Variants in CERS6 observed in about 807,000 individuals in gnomAD.
The protein encoded by CERS6 is LAG1 homolog, ceramide synthase 6.
Under a neutral mutation model 56.8 loss-of-function variants are expected in CERS6, and 26 were observed. That is an observed-to-expected ratio of 0.46 (90% CI 0.34 to 0.63). The LOEUF (loss-of-function observed/expected upper bound fraction) is 0.63, where lower values mean the gene tolerates loss of function less well. CERS6 is among the 30% of genes least tolerant of loss of function. The probability of loss-of-function intolerance (pLI) is 0.01; values close to 1 mark genes in which losing one functional copy is unlikely to be tolerated. For synonymous variants in CERS6, 164 were observed against 173.3 expected (o/e 0.95, Z 0.42); for missense variants, 415 against 467.5 (o/e 0.89, Z 1.04).
At chr2:168,496,355 A>G (rs1308752591) in intron 1 of CERS6, among the ~76,000 whole-genome samples, 3 of 151,532 alleles carry the variant, frequency 2.0e-5, no homozygotes, top group Non-Finnish European at 4.4e-5. Flanking sequence ...TTTTTTGTAG[A>G]AAAAAATGGT....
chr2:168,587,444 C>A (rs1683570544), intron 3 of CERS6, among the ~76,000 whole-genome samples: 1 of 152,114 alleles, frequency 6.6e-6, no homozygotes, highest in Non-Finnish European at 1.5e-5. Context: ...AATTCAGGAG[C>A]CAGAGATGGA....
chr2:168,483,554 G>T (rs1694215893), intron 1 of CERS6, among the ~76,000 whole-genome samples: 1 of 152,168 alleles, frequency 6.6e-6, no homozygotes, highest in African/African-American at 2.4e-5. Context: ...CTTAAAGGAA[G>T]ACTTGAATGT....
intron 1 of CERS6, among the ~76,000 whole-genome samples, chr2:168,468,048 A>T (rs1271240626): frequency 6.6e-6 from 1 of 152,060 alleles, no homozygotes; most frequent in Admixed American, 6.6e-5. Context: ...GGGAGGGAGG[A>T]TGCTTTTAAG....
chr2:168,498,208 G>A (rs973573224), intron 1 of CERS6, among the ~76,000 whole-genome samples: 8 of 152,110 alleles, frequency 5.3e-5, no homozygotes, highest in South Asian at 2.1e-4. Flanking sequence ...CCTCTTTGTC[G>A]AATTTAGTGG....
At chr2:168,486,081 T>C (rs995695728) in intron 1 of CERS6, among the ~76,000 whole-genome samples, 2 of 152,300 alleles carry the variant, frequency 1.3e-5, no homozygotes, top group East Asian at 3.9e-4. Context: ...ATCAATTTAA[T>C]TTGCATTTTC....
At chr2:168,697,743 T>G (rs1349494591) in intron 6 of CERS6, among the ~76,000 whole-genome samples, 2 of 152,190 alleles carry the variant, frequency 1.3e-5, no homozygotes, top group African/African-American at 4.8e-5. Context: ...AGTTAGCCTT[T>G]AACAGCTCTT....
At chr2:168,675,292 TAACAACAA>T (rs1686029177) in intron 4 of CERS6, among the ~76,000 whole-genome samples, 1 of 151,120 alleles carries the variant, frequency 6.6e-6, no homozygotes, top group African/African-American at 2.4e-5. Flanking sequence ...TATTTAAAAA[TAACAACAA>T]TAGGCCGGGC....
At chr2:168,502,502 T>C (rs1488476186) in intron 1 of CERS6, among the ~76,000 whole-genome samples, 1 of 152,180 alleles carries the variant, frequency 6.6e-6, no homozygotes, top group African/African-American at 2.4e-5. Flanking sequence ...ATGGTTGTCT[T>C]TGTTGTCCTT....
intron 3 of CERS6, among the ~76,000 whole-genome samples, chr2:168,615,627 C>T (rs1386304210): frequency 2.6e-5 from 4 of 152,106 alleles, no homozygotes; most frequent in Non-Finnish European, 4.4e-5. Flanking sequence ...AGTGTCAGAG[C>T]TTGAAGACAG....
chr2:168,719,699 A>G (rs1687311785), intron 8 of CERS6, among the ~76,000 whole-genome samples: 1 of 152,186 alleles, frequency 6.6e-6, no homozygotes, highest in African/African-American at 2.4e-5. Context: ...TCAGCAATCC[A>G]TGGTCCTCAA....
At chr2:168,547,219 C>T (rs1276020782) in intron 1 of CERS6, among the ~76,000 whole-genome samples, 2 of 152,180 alleles carry the variant, frequency 1.3e-5, no homozygotes, top group Admixed American at 1.3e-4. Flanking sequence ...AACGTTTTCT[C>T]ACAGTAAAAA....
At chr2:168,769,414 CT>C (rs780637717) in intron 9 of CERS6, 95 bp from the exon 10 acceptor site, 14 of 1,097,444 alleles carry the variant, frequency 1.3e-5, no homozygotes, top group Non-Finnish European at 1.8e-5. Flanking sequence ...ACATTGGGAT[CT>C]GTTTCCCCTT....
intron 6 of CERS6, among the ~76,000 whole-genome samples, chr2:168,700,466 A>G (rs1474636231): frequency 1.3e-5 from 2 of 152,230 alleles, no homozygotes; most frequent in Admixed American, 6.5e-5. Flanking sequence ...AGCACCTACC[A>G]TGAACACCAT....
intron 1 of CERS6, among the ~76,000 whole-genome samples, chr2:168,538,067 T>A (rs1431299121): frequency 6.6e-6 from 1 of 152,128 alleles, no homozygotes; most frequent in Non-Finnish European, 1.5e-5. Flanking sequence ...TGCCACCACC[T>A]CTGGCCTGGA....
intron 2 of CERS6, among the ~76,000 whole-genome samples, chr2:168,549,415 T>A (rs1172934468): frequency 6.6e-6 from 1 of 152,138 alleles, no homozygotes; most frequent in Non-Finnish European, 1.5e-5. Context: ...GGCGGGCAGA[T>A]CATGAGGTCA....
intron 1 of CERS6, among the ~76,000 whole-genome samples, chr2:168,485,959 C>T (rs924137905): frequency 6.6e-6 from 1 of 152,126 alleles, no homozygotes; most frequent in Non-Finnish European, 1.5e-5. Context: ...ACTGGTTGTA[C>T]CATTTTGTAT....
chr2:168,765,720 T>C lies in CERS6; in HGVS notation c.974T>C (p.Ile325Thr). The stretch of plus-strand genomic sequence containing the variant: ...TTCTGGTCTTACTTGATTGTGAAAA[T>C]AGCTTGCAAAGCTGTTTCAAGAGGC... ...NCFWSYLIVK[I>T]ACKAVSRGKV... The change falls in exon 9 of 10, where the codon ATA (isoleucine) becomes ACA (threonine). Residue 325 changes from isoleucine to threonine, a missense_variant. Transcript: ENST00000305747. The C allele has an allele frequency of 6.2e-7, 1 of 1,613,736 alleles. No individual in the cohort carries two copies. Among genetic ancestry groups the C allele is most frequent in the Non-Finnish European group, 8.5e-7 (1 of 1,179,844 alleles).
chr2:168,752,878 A>AAAAAC (rs1391760819), intron 8 of CERS6, among the ~76,000 whole-genome samples: 1 of 152,206 alleles, frequency 6.6e-6, no homozygotes. Flanking sequence ...ATCTAGGTGT[A>AAAAAC]AAAACAAAAC....
At chr2:168,670,973 C>CCCA (rs1553506523) in intron 4 of CERS6, among the ~76,000 whole-genome samples, 1 of 65,728 alleles carries the variant, frequency 1.5e-5, no homozygotes, top group Admixed American at 1.2e-4. Context: ...GCTTCCCCCC[C>CCCA]CCCCCCCAGA....
Sources: allele counts gnomAD v4.1 joint callset (sites outside exome capture counted in the v4.1 genomes callset), GRCh38; gene constraint gnomAD v4.1.1; transcripts MANE v1.5; gene names NCBI Gene and HGNC (gene_info 2026-07-23, HGNC 2026-07-21).